The following PHACTR1 variants were observed in gnomAD, a reference collection of about 807,000 sequenced individuals.
PHACTR1 encodes RPEL repeat containing 1.
A neutral mutation model predicts 69.2 loss-of-function variants in PHACTR1; 16 were observed. The ratio of observed to expected loss-of-function variants is 0.23; its 90% CI spans 0.16 to 0.35. PHACTR1 has a LOEUF of 0.35. Ranked by LOEUF, PHACTR1 falls within the 10% of genes least tolerant of loss-of-function variation. PHACTR1 has a pLI of 1.00. For synonymous variants in PHACTR1, 312 were observed against 284.5 expected (o/e 1.10, Z -0.97); for missense variants, 510 against 734.7 (o/e 0.69, Z 3.54).
chr6:13,226,017 C>T (rs73355339), intron 8 of PHACTR1, among the ~76,000 whole-genome samples: 2,811 of 152,290 alleles, frequency 0.018, 82 homozygotes, highest in African/African-American at 0.063. Flanking sequence ...TGTACTTCAC[C>T]CTCCTGCTCC....
Position 13,024,593 on chromosome 6 carries a change from T to C in PHACTR1, c.251-28772T>C, listed in dbSNP as rs143949193. 6.4e-4 allele frequency among the ~76,000 whole-genome samples: 97 copies of C among 152,342 alleles called. 1 individual carries two copies. Among genetic ancestry groups the C allele is most frequent in the Middle Eastern group, 3.4e-3 (1 of 294 alleles). ...AGACAGGAGCTCATCATCCTCAAAA[T>C]GATACAGTGAACCTTTTTTGCCTGC... On this transcript the variant is annotated intron_variant, in intron 4 of 14. Transcript: ENST00000332995.
At chr6:13,263,249 T>G (rs982004459) in intron 10 of PHACTR1, among the ~76,000 whole-genome samples, 61 of 150,504 alleles carry the variant, frequency 4.1e-4, no homozygotes, top group African/African-American at 1.3e-3. Context: ...TTTTTTTTTT[T>G]TTTTTTTTTT....
chr6:13,088,175 G>A (rs371097307), intron 5 of PHACTR1, among the ~76,000 whole-genome samples: 75 of 152,062 alleles, frequency 4.9e-4, no homozygotes, highest in Non-Finnish European at 9.0e-4. Flanking sequence ...GTAGGACTTA[G>A]CAAGTTTGCT....
In PHACTR1 at chr6:13,246,052, A is replaced by G. The variant is rs910952162; in HGVS notation, c.1391+15859A>G. The stretch of plus-strand genomic sequence containing the variant: ...CACTACTAGCCAAGTTCACACAGTA[A>G]TTTCTGACAAACTAGGATTTAAAAT... On this transcript the variant is annotated intron_variant, in intron 10 of 14. Transcript: ENST00000332995. This position sits in a 1 kb window ranked among gnomAD's most constrained non-coding sequence, Gnocchi z 4.2. Among the ~76,000 whole-genome samples the G allele has an allele frequency of 6.6e-6, 1 of 152,204 alleles. No homozygotes were observed. The highest frequency in any genetic ancestry group is 6.5e-5 in the Admixed American group (1 of 15,274).
At chr6:13,111,556 G>T (rs1012703907) in intron 5 of PHACTR1, among the ~76,000 whole-genome samples, 7 of 152,046 alleles carry the variant, frequency 4.6e-5, no homozygotes, top group African/African-American at 1.7e-4. Flanking sequence ...ACTCTTTTTA[G>T]ATTTCTAAAT....
At chr6:13,010,168 C>T (rs572411607) in intron 4 of PHACTR1, among the ~76,000 whole-genome samples, 21 of 151,992 alleles carry the variant, frequency 1.4e-4, no homozygotes, top group Admixed American at 1.3e-4. Flanking sequence ...GCTCTTGTTG[C>T]CCAGGCAGGA....
intron 5 of PHACTR1, among the ~76,000 whole-genome samples, chr6:13,140,445 CTCA>C (rs765178348): frequency 3.3e-5 from 5 of 152,004 alleles, no homozygotes; most frequent in Non-Finnish European, 5.9e-5. Context: ...TGGAGTATTA[CTCA>C]TCATTAAAAA....
At chr6:12,952,636 T>C (rs1248828654) in intron 4 of PHACTR1, among the ~76,000 whole-genome samples, 2 of 152,260 alleles carry the variant, frequency 1.3e-5, no homozygotes, top group Non-Finnish European at 1.5e-5. Context: ...GACATCTTGA[T>C]TGCTTCCAAC....
At chr6:13,109,964 T>G (rs1405107346) in intron 5 of PHACTR1, among the ~76,000 whole-genome samples, 1 of 152,072 alleles carries the variant, frequency 6.6e-6, no homozygotes. Flanking sequence ...AGAGAAACTT[T>G]TAATTTAGAT....
chr6:12,789,333 A>C (rs529228473), intron 4 of PHACTR1, among the ~76,000 whole-genome samples: 4 of 152,140 alleles, frequency 2.6e-5, no homozygotes, highest in African/African-American at 9.6e-5. Context: ...GATTCTCTCA[A>C]GCCATCGATT....
At chr6:12,901,477 A>G (rs577505735) in intron 4 of PHACTR1, among the ~76,000 whole-genome samples, 1 of 152,238 alleles carries the variant, frequency 6.6e-6, no homozygotes, top group African/African-American at 2.4e-5. Context: ...AGAGAAAATA[A>G]AATGGATTTC....
chr6:13,215,300 T>G (rs964064965), intron 8 of PHACTR1, among the ~76,000 whole-genome samples: 2 of 152,080 alleles, frequency 1.3e-5, no homozygotes, highest in Non-Finnish European at 2.9e-5. Flanking sequence ...CCCATGAGAG[T>G]GCAGGGAGGG....
chr6:13,223,921 A>G (rs1303410816), intron 8 of PHACTR1, among the ~76,000 whole-genome samples: 1 of 152,150 alleles, frequency 6.6e-6, no homozygotes, highest in African/African-American at 2.4e-5. Flanking sequence ...TGCCATTGAT[A>G]AAGATGCTAA....
At chr6:13,029,181 C>G (rs1393239872) in intron 4 of PHACTR1, among the ~76,000 whole-genome samples, 3 of 152,014 alleles carry the variant, frequency 2.0e-5, no homozygotes, top group Non-Finnish European at 2.9e-5. Context: ...GAGTTTGAAA[C>G]CAGGTTTCTT....
intron 4 of PHACTR1, among the ~76,000 whole-genome samples, chr6:13,032,800 G>A (rs531326486): frequency 5.3e-5 from 8 of 151,852 alleles, no homozygotes; most frequent in Non-Finnish European, 8.8e-5. Flanking sequence ...ATAGAGACAG[G>A]GTCTCACCAT....
intron 4 of PHACTR1, among the ~76,000 whole-genome samples, chr6:12,903,926 G>T (rs971199200): frequency 6.6e-6 from 1 of 151,864 alleles, no homozygotes; most frequent in South Asian, 2.1e-4. Context: ...TTATAATTTA[G>T]CATCTTATTA....
intron 5 of PHACTR1, among the ~76,000 whole-genome samples, chr6:13,073,276 TTCCCTAAGA>T (rs1809833412): frequency 6.7e-6 from 1 of 150,176 alleles, no homozygotes; most frequent in South Asian, 2.1e-4. Flanking sequence ...TCTTAGGTAG[TTCCCTAAGA>T]TGAATTATAT....
At chr6:13,054,474 A>C (rs1381617134) in intron 5 of PHACTR1, among the ~76,000 whole-genome samples, 2 of 152,190 alleles carry the variant, frequency 1.3e-5, no homozygotes, top group Non-Finnish European at 2.9e-5. Context: ...TGTTTCTCAC[A>C]GTTCTGGAGG....
intron 10 of PHACTR1, among the ~76,000 whole-genome samples, chr6:13,251,380 G>A (rs369837472): frequency 1.4e-4 from 21 of 152,278 alleles, no homozygotes; most frequent in South Asian, 1.2e-3. Context: ...GGGACATTAC[G>A]GTCACGGGTG....
Sources: allele counts gnomAD v4.1 joint callset (sites outside exome capture counted in the v4.1 genomes callset), GRCh38; gene constraint gnomAD v4.1.1; non-coding constraint Gnocchi (gnomAD v3.1); transcripts MANE v1.5; gene names NCBI Gene and HGNC (gene_info 2026-07-23, HGNC 2026-07-21).